Variants in IRF2BPL observed in about 807,000 individuals in gnomAD.
IRF2BPL encodes probable E3 ubiquitin-protein ligase IRF2BPL.
A neutral mutation model predicts 51.2 loss-of-function variants in IRF2BPL; 13 were observed. That is an observed-to-expected ratio of 0.25 (90% CI 0.17 to 0.40). The LOEUF (loss-of-function observed/expected upper bound fraction) is 0.40. IRF2BPL is among the 10% of genes least tolerant of loss of function. The pLI is 1.00. For missense variants in IRF2BPL, 1,210 were observed against 1,111.8 expected (o/e 1.09, Z -1.26); for synonymous variants, 768 against 509.2 (o/e 1.51, Z -6.84).
Position 77,026,792 on chromosome 14 carries a change from G to A in IRF2BPL, c.1001C>T (p.Ser334Leu), listed in dbSNP as rs1420079872. The change falls in exon 1 of 1, where the codon TCG (serine) becomes TTG (leucine). Residue 334 changes from serine to leucine, a missense_variant. Ser to Leu is a moderately radical substitution (Grantham distance 145). Coordinates refer to ENST00000238647, the MANE Select transcript of IRF2BPL (RefSeq NM_024496.4). The part of the protein sequence containing the change: ...GVGAGGKRPG[S>L]VSSTDQEREL... ...GCGCTCCTGGTCTGTGCTCGACACC[G>A]AGCCGGGCCTCTTACCACCAGCACC... The A allele has an allele frequency of 1.9e-6, 3 of 1,612,716 alleles. No homozygotes were observed. Among genetic ancestry groups the A allele is most frequent in the Non-Finnish European group, 1.7e-6 (2 of 1,179,806 alleles).
At position 77,027,194 on chromosome 14, in the gene IRF2BPL, G is replaced by C. The variant is rs1361786851; in HGVS notation, c.599C>G (p.Pro200Arg). Residue 200 changes from proline (P) to arginine (R), a missense_variant, in exon 1 of 1, where the codon CCC becomes CGC. Pro to Arg is a moderately radical substitution (Grantham distance 103). Transcript: ENST00000238647. ...GGGTCCCTCCTCTGGTGTTGGTTTG[G>C]GGAAGCCGTTTGGGCCCCCCAGGCC... The part of the protein sequence containing the change: ...PNGLGGPNGF[P>R]KPTPEEGPPE... The C allele has an allele frequency of 1.2e-6, 2 of 1,611,556 alleles. No individual in the cohort carries two copies. Among genetic ancestry groups the C allele is most frequent in the Non-Finnish European group, 1.7e-6 (2 of 1,178,928 alleles).
In IRF2BPL at chr14:77,027,280, G is replaced by A. The variant is rs990409885; in HGVS notation, c.513C>T (p.Phe171=). 2.5e-5 allele frequency: 40 copies of A among 1,578,278 alleles called. No individual in the cohort carries two copies. Among genetic ancestry groups the A allele is most frequent in the Non-Finnish European group, 3.4e-5 (40 of 1,167,748 alleles). The change falls in exon 1 of 1, where the codon TTC becomes TTT. Residue 171 remains phenylalanine (F), a synonymous_variant. Transcript: ENST00000238647. ...AAAAVEQRSR[F]EYPPPPVSLG... Reference sequence around the variant, plus strand: ...GGCTCACCGGCGGTGGCGGGTACTCGAAGCGGCTGCGCTGTTCCACCGCAG... The same window carrying A: ...GGCTCACCGGCGGTGGCGGGTACTCAAAGCGGCTGCGCTGTTCCACCGCAG...
chr14:77,027,556 C>G lies in IRF2BPL; in HGVS notation c.237G>C (p.Lys79Asn). Residue 79 changes from lysine (K) to asparagine (N), a missense_variant, in exon 1 of 1, where the codon AAG (lysine) becomes AAC (asparagine). Lys to Asn is a moderately conservative substitution (Grantham distance 94). Transcript: ENST00000238647. ...SPGPPPPVGVKTVALSAKEAA... is the reference protein window; with the variant it reads ...SPGPPPPVGVNTVALSAKEAA... ...CTTCCTTAGCCGACAGGGCCACTGT[C>G]TTGACCCCGACGGGCGGCGGCGGCC... 5.9e-6 allele frequency: 5 copies of G among 846,132 alleles called. No individual in the cohort carries two copies. The highest frequency in any genetic ancestry group is 4.7e-6 in the Non-Finnish European group (3 of 634,552). The allele number at this position is 846,132 out of a possible 1,614,324, so 52.4% of individuals were successfully genotyped here. A position where few individuals can be genotyped will look rare whatever the true frequency, so the allele number is the denominator to read the frequency against.
chr14:77,025,816 G>A lies in IRF2BPL; in HGVS notation c.1977C>T (p.Ser659=), dbSNP rs1294181835. ...TTASARRNSS[S]PVSPASVPGQ... ...CCGGCACGGAGGCCGGCGAGACTGG[G>A]CTGCTGCTGTTTCGCCGCGCCGACG... Residue 659 remains serine, a synonymous_variant, in exon 1 of 1, where the codon AGC becomes AGT. Coordinates refer to ENST00000238647, the MANE Select transcript of IRF2BPL (RefSeq NM_024496.4). 1.2e-6 allele frequency: 2 copies of A among 1,612,314 alleles called. No homozygotes were observed. Among genetic ancestry groups the A allele is most frequent in the East Asian group, 2.2e-5 (1 of 44,870 alleles).
In IRF2BPL at chr14:77,027,299, A is replaced by C; in HGVS notation, c.494T>G (p.Val165Gly). The C allele has an allele frequency of 1.9e-6, 3 of 1,561,350 alleles. No individual in the cohort carries two copies. The highest frequency in any genetic ancestry group is 2.6e-6 in the Non-Finnish European group (3 of 1,161,200). ...AAAAAAAAAA[V>G]EQRSRFEYPP... The stretch of plus-strand genomic sequence containing the variant: ...GTACTCGAAGCGGCTGCGCTGTTCC[A>C]CCGCAGCGGCGGCGGCGGCGGCGGC... The change falls in exon 1 of 1, where the codon GTG becomes GGG. Residue 165 changes from valine (V) to glycine (G), a missense_variant. Val to Gly is a moderately radical substitution (Grantham distance 109). Transcript: ENST00000238647.
chr14:77,026,058 G>T lies in IRF2BPL; in HGVS notation c.1735C>A (p.Leu579Ile). ...GCGAAGCCCCCGGCGGACATGGTGAGCTTCAGCGCCTCGCTCTGGTTCGCC... is the reference window on the plus strand; with the variant it reads ...GCGAAGCCCCCGGCGGACATGGTGATCTTCAGCGCCTCGCTCTGGTTCGCC... ...WMANQSEALK[L>I]TMSAGGFAAP... The change falls in exon 1 of 1, where the codon CTC becomes ATC. Residue 579 changes from leucine (L) to isoleucine (I), a missense_variant. Physicochemically the swap from Leu to Ile is conservative, Grantham distance 5 (BLOSUM62 2). Coordinates refer to ENST00000238647, the MANE Select transcript of IRF2BPL (RefSeq NM_024496.4). The T allele has an allele frequency of 6.4e-7, 1 of 1,568,658 alleles. No individual in the cohort carries two copies. The highest frequency in any genetic ancestry group is 1.4e-5 in the African/African-American group (1 of 73,798).
rs370752093 is a variant in IRF2BPL, at chr14:77,025,652, C to G, written c.2141G>C (p.Cys714Ser). 55 of 1,569,936 alleles carry G rather than the reference C, an allele frequency of 3.5e-5. No individual in the cohort carries two copies. Among genetic ancestry groups the G allele is most frequent in the Non-Finnish European group, 4.2e-5 (49 of 1,155,096 alleles). Residue 714 changes from cysteine to serine, a missense_variant, in exon 1 of 1, where the codon TGC becomes TCC. Coordinates refer to ENST00000238647, the MANE Select transcript of IRF2BPL (RefSeq NM_024496.4). The stretch of plus-strand genomic sequence containing the variant: ...CAAACGTTCGTGGCAAATGGTGCAG[C>G]AGAGGGGTCCGCTGTTGGCCATGGG... ...DSPMANSGPLCCTICHERLED... is the reference protein window; with the variant it reads ...DSPMANSGPLSCTICHERLED...
rs1478440515 is a variant in IRF2BPL, at chr14:77,025,295, T to C, written c.*107A>G. 1.9e-5 allele frequency: 14 copies of C among 729,538 alleles called. No individual in the cohort carries two copies. Among genetic ancestry groups the C allele is most frequent in the Non-Finnish European group, 2.9e-5 (13 of 454,974 alleles). The allele number at this position is 729,538 out of a possible 1,614,324, so 45.2% of individuals were successfully genotyped here. The stretch of plus-strand genomic sequence containing the variant: ...TTTGCAGTTTCGTTATATTCACAAT[T>C]CTACACCTTGGGGGTGAGGGGAGGG... On this transcript the variant is annotated 3_prime_UTR_variant, in exon 1 of 1. Coordinates refer to ENST00000238647, the MANE Select transcript of IRF2BPL (RefSeq NM_024496.4).
rs773228635 is a variant in IRF2BPL, at chr14:77,027,121, C to T, written c.672G>A (p.Ser224=). 2.5e-6 allele frequency: 4 copies of T among 1,611,882 alleles called. No individual in the cohort carries two copies. The South Asian group carries it at 4.4e-5, about 18-fold the overall frequency. The change falls in exon 1 of 1, where the codon TCG becomes TCA. Residue 224 remains serine (S), a synonymous_variant. Coordinates refer to ENST00000238647, the MANE Select transcript of IRF2BPL (RefSeq NM_024496.4). ...QSPNSSSAAA[S]VASRRGTHGG... ...CGTGCGTTCCACGCCGAGACGCCAC[C>T]GACGCCGCCGCTGAAGAAGAATTGG...
chr14:77,027,237 T>C lies in IRF2BPL; in HGVS notation c.556A>G (p.Thr186Ala), dbSNP rs752444413. The C allele has an allele frequency of 1.3e-6, 2 of 1,599,942 alleles. No individual in the cohort carries two copies. Among genetic ancestry groups the C allele is most frequent in the East Asian group, 2.3e-5 (1 of 43,674 alleles). The change falls in exon 1 of 1, where the codon ACC (threonine) becomes GCC (alanine). Residue 186 changes from threonine (T) to alanine (A), a missense_variant. Thr to Ala is a moderately conservative substitution (Grantham distance 58). Coordinates refer to ENST00000238647, the MANE Select transcript of IRF2BPL (RefSeq NM_024496.4). ...CCCAGGCCGTTGGGCAGTCGCGCGG[T>C]GTGGCTGCTGCTTCCCAGGCTCACC... The part of the protein sequence containing the change: ...PPVSLGSSSH[T>A]ARLPNGLGGP...
In IRF2BPL at chr14:77,027,818, C is replaced by T. The variant is rs762577395; in HGVS notation, c.-26G>A. The T allele has an allele frequency of 4.1e-5, 61 of 1,495,270 alleles. No homozygotes were observed. In the South Asian group the frequency reaches 7.0e-4, roughly 17 times the overall value. The allele number at this position is 1,495,270 out of a possible 1,614,324, so 92.6% of individuals were successfully genotyped here. On this transcript the variant is annotated 5_prime_UTR_variant, in exon 1 of 1. Coordinates refer to ENST00000238647, the MANE Select transcript of IRF2BPL (RefSeq NM_024496.4). Reference sequence around the variant, plus strand: ...GATGCCTGCCCTGGGGAAGGTAGGCCCCCGCCCGGGCTGTCTCCGCGGCGC... The same window carrying T: ...GATGCCTGCCCTGGGGAAGGTAGGCTCCCGCCCGGGCTGTCTCCGCGGCGC...
chr14:77,027,868 G>A lies in IRF2BPL; in HGVS notation c.-76C>T. On this transcript the variant is annotated 5_prime_UTR_variant, in exon 1 of 1. Transcript: ENST00000238647. ...CCTTCTCCTCCGGGAGGACTGGCCG[G>A]CTGGGGAGGGAGTCCGACTGCGGGG... 3.6e-6 allele frequency: 5 copies of A among 1,407,936 alleles called. No individual in the cohort carries two copies. The highest frequency in any genetic ancestry group is 4.6e-6 in the Non-Finnish European group (5 of 1,076,134). 87.2% of individuals were successfully genotyped at this position (1,407,936 alleles called of 1,614,324 possible). A position where few individuals can be genotyped will look rare whatever the true frequency, so the allele number is the denominator to read the frequency against.
Position 77,027,423 on chromosome 14 carries a change from GCTGC to G in IRF2BPL, c.366_369del (p.Gln122HisfsTer29), listed in dbSNP as rs1885173243. On this transcript the variant is annotated frameshift_variant, in exon 1 of 1. Coordinates refer to ENST00000238647, the MANE Select transcript of IRF2BPL (RefSeq NM_024496.4). LOFTEE classifies it high-confidence loss of function. ...TCAACGTGGTTGAGCTGTTGTTGCT[GCTGC>G]TGCTGCTGCTGCTGCTGCTGCTGTT... The G allele has an allele frequency of 4.8e-6, 1 of 206,638 alleles. No individual in the cohort carries two copies. The highest frequency in any genetic ancestry group is 1.3e-4 in the African/African-American group (1 of 7,468). The allele number at this position is 206,638 out of a possible 1,614,324, so 12.8% of individuals were successfully genotyped here.
Position 77,026,564 on chromosome 14 carries a change from T to A in IRF2BPL, c.1229A>T (p.Lys410Met), listed in dbSNP as rs765193054. 2 of 1,613,864 alleles carry A rather than the reference T, an allele frequency of 1.2e-6. No homozygotes were observed. Among genetic ancestry groups the A allele is most frequent in the South Asian group, 2.2e-5 (2 of 91,090 alleles). The change falls in exon 1 of 1, where the codon AAG becomes ATG. Residue 410 changes from lysine to methionine, a missense_variant. By Grantham distance (95) the Lys-to-Met change is moderately conservative. Coordinates refer to ENST00000238647, the MANE Select transcript of IRF2BPL (RefSeq NM_024496.4). ...CTTCAATTCGTAGTCCATGCCGGGC[T>A]TGGAGACGGCGTCGAAGGCGAAAAC... ...GRVFAFDAVS[K>M]PGMDYELKLF...
Position 77,025,874 on chromosome 14 carries a change from G to T in IRF2BPL, c.1919C>A (p.Pro640His). 6.2e-7 allele frequency: 1 copy of T among 1,612,548 alleles called. No homozygotes were observed. The highest frequency in any genetic ancestry group is 8.5e-7 in the Non-Finnish European group (1 of 1,179,764). Residue 640 changes from proline (P) to histidine (H), a missense_variant, in exon 1 of 1, where the codon CCC (proline) becomes CAC (histidine). By Grantham distance (77) the Pro-to-His change is moderately conservative. Transcript: ENST00000238647. ...AGAGTGCACGGAACTGCCATCCTTG[G>T]GCGAGTGCGCTGTGCCCAGAGTATC... is the stretch of plus-strand genomic sequence containing the variant. ...VADTLGTAHS[P>H]KDGSSVHSTT...
At position 77,024,624 on chromosome 14, in the gene IRF2BPL, G is replaced by A. The variant is rs927180502; in HGVS notation, c.*778C>T. ...CTGTTAACTACAGAAATGTATAAAGGACAAACAGAGCAGATTCTCCATGTC... is the reference window on the plus strand; with the variant it reads ...CTGTTAACTACAGAAATGTATAAAGAACAAACAGAGCAGATTCTCCATGTC... On this transcript the variant is annotated 3_prime_UTR_variant, in exon 1 of 1. Transcript: ENST00000238647. 3 of 152,526 alleles carry A rather than the reference G, an allele frequency of 2.0e-5. No individual in the cohort carries two copies. The highest frequency in any genetic ancestry group is 2.9e-5 in the Non-Finnish European group (2 of 68,034). 9.4% of individuals were successfully genotyped at this position (152,526 alleles called of 1,614,324 possible).
rs1378316282 is a variant in IRF2BPL, at chr14:77,027,132, C to T, written c.661G>A (p.Ala221Thr). 6.2e-7 allele frequency: 1 copy of T among 1,612,914 alleles called. No homozygotes were observed. The highest frequency in any genetic ancestry group is 1.7e-5 in the Admixed American group (1 of 59,970). The change falls in exon 1 of 1, where the codon GCG (alanine) becomes ACG (threonine). Residue 221 changes from alanine to threonine, a missense_variant. Transcript: ENST00000238647. The part of the protein sequence containing the change: ...LNRQSPNSSS[A>T]AASVASRRGT... The stretch of plus-strand genomic sequence containing the variant: ...CGCCGAGACGCCACCGACGCCGCCG[C>T]TGAAGAAGAATTGGGGCTCTGACGG...
Position 77,026,288 on chromosome 14 carries a change from G to C in IRF2BPL, c.1505C>G (p.Ala502Gly), listed in dbSNP as rs754245774. Residue 502 changes from alanine to glycine, a missense_variant, in exon 1 of 1, where the codon GCC becomes GGC. Ala to Gly is a moderately conservative substitution (Grantham distance 60, BLOSUM62 0). Transcript: ENST00000238647. Reference sequence around the variant, plus strand: ...AGCAGTGGGCAGCATGGGACAGCTGGCGTCCAGGTAGGGCTGGGGCAGCAT... The same window carrying C: ...AGCAGTGGGCAGCATGGGACAGCTGCCGTCCAGGTAGGGCTGGGGCAGCAT... ...ADMLPQPYLDASCPMLPTALV... is the reference protein window; with the variant it reads ...ADMLPQPYLDGSCPMLPTALV... 2 of 1,518,796 alleles carry C rather than the reference G, an allele frequency of 1.3e-6. No individual in the cohort carries two copies. Among genetic ancestry groups the C allele is most frequent in the African/African-American group, 1.4e-5 (1 of 72,230 alleles). 94.1% of individuals were successfully genotyped at this position (1,518,796 alleles called of 1,614,324 possible).
chr14:77,027,033 G>C lies in IRF2BPL; in HGVS notation c.760C>G (p.Pro254Ala), dbSNP rs1193346097. Residue 254 changes from proline (P) to alanine (A), a missense_variant, in exon 1 of 1, where the codon CCC (proline) becomes GCC (alanine). Physicochemically the swap from Pro to Ala is conservative, Grantham distance 27. Transcript: ENST00000238647. ...AGCAGCGTCTGCGGTAGCAGGTTGG[G>C]GGGCACGGTGAGCTGGGGGCCTCCG... ...GGGGPQLTVP[P>A]NLLPQTLLNG... 2.3e-5 allele frequency: 35 copies of C among 1,542,844 alleles called. No homozygotes were observed. Among genetic ancestry groups the C allele is most frequent in the Non-Finnish European group, 2.9e-5 (33 of 1,145,868 alleles).
Sources: allele counts gnomAD v4.1 joint callset, GRCh38; gene constraint gnomAD v4.1.1; transcripts MANE v1.5; gene names NCBI Gene and HGNC (gene_info 2026-07-23, HGNC 2026-07-21).